Variants in SCN7A observed in about 807,000 individuals in gnomAD.
SCN7A encodes the protein sodium channel protein type 7 subunit alpha.
In SCN7A, 138 loss-of-function variants were observed where a neutral mutation model predicts 155.2. The observed-to-expected ratio is 0.89, with a 90% CI of 0.77 to 1.02. The LOEUF (loss-of-function observed/expected upper bound fraction) is 1.02, where lower values mean the gene tolerates loss of function less well. Among genes scored for constraint, SCN7A ranks in the 50% least tolerant of loss-of-function variants. SCN7A has a pLI of 0.00. For synonymous variants in SCN7A, 693 were observed against 649.0 expected, an observed-to-expected ratio of 1.07 and a Z score of -1.03; for missense variants, 2,058 against 1,986.6, an observed-to-expected ratio of 1.04 and a Z score of -0.68.
chr2:166,443,875 C>T (rs1225882572), intron 13 of SCN7A, among the ~76,000 whole-genome samples, 199 bp from the exon 14 acceptor site: 2 of 152,160 alleles, frequency 1.3e-5, no homozygotes, highest in African/African-American at 4.8e-5. Flanking sequence ...TAATGTCAAA[C>T]ACTATATACA....
Position 166,416,848 on chromosome 2 carries a change from T to A in SCN7A, c.3273A>T (p.Thr1091=). Residue 1091 remains threonine, a synonymous_variant, in exon 21 of 26, where the codon ACA becomes ACT. Transcript: ENST00000643258. ...AGRFYECIDP[T]SGERFPSSEV... is the part of the protein sequence containing the mutation. ...CAGATGAAGGAAACCTTTCTCCACT[T>A]GTTGGGTCAATGCATTCATAGAATC... 2 of 1,613,696 alleles carry A rather than the reference T, an allele frequency of 1.2e-6. No homozygotes were observed. Among genetic ancestry groups the A allele is most frequent in the Non-Finnish European group, 8.5e-7 (1 of 1,179,766 alleles).
chr2:166,442,733 A>C (rs185203627), intron 14 of SCN7A, among the ~76,000 whole-genome samples: 42 of 152,228 alleles, frequency 2.8e-4, no homozygotes, highest in Admixed American at 9.2e-4. Flanking sequence ...CTAGCCTTTA[A>C]AATATTTTGA....
In SCN7A at chr2:166,416,688, A is replaced by C. The variant is rs767696696; in HGVS notation, c.3414+19T>G. 2 of 1,567,624 alleles carry C rather than the reference A, an allele frequency of 1.3e-6. No individual in the cohort carries two copies. The highest frequency in any genetic ancestry group is 2.7e-5 in the African/African-American group (2 of 73,076). On this transcript the variant is annotated intron_variant, in intron 21 of 25. Transcript: ENST00000643258. ...GGATGAATATATAATTAATAAGGAA[A>C]AGTCAAAAGTGTACTTACTACTTGA...
At chr2:166,470,513 C>A in intron 7 of SCN7A, 102 bp downstream of exon 7, 2 of 953,970 alleles carry the variant, frequency 2.1e-6, no homozygotes, top group Non-Finnish European at 3.0e-6. Flanking sequence ...AAAGTGGAAA[C>A]ATTATTCAAT....
chr2:166,481,475 C>T (rs1400806339), intron 2 of SCN7A, among the ~76,000 whole-genome samples: 3 of 152,102 alleles, frequency 2.0e-5, no homozygotes, highest in Admixed American at 6.5e-5. Flanking sequence ...AAATACCCAT[C>T]GGCACAAGTA....
chr2:166,404,266 G>T lies in SCN7A; in HGVS notation c.*1314C>A, dbSNP rs745854223. 3.7e-4 allele frequency: 56 copies of T among 151,874 alleles called. No homozygotes were observed. Among genetic ancestry groups the T allele is most frequent in the Non-Finnish European group, 5.2e-4 (35 of 67,918 alleles). 9.4% of individuals were successfully genotyped at this position (151,874 alleles called of 1,614,324 possible). Reference sequence around the variant, plus strand: ...TACATAGAAGTAAATGACTATATTTGTATGAATAAGTCTAAGGACAACTAT... The same window carrying T: ...TACATAGAAGTAAATGACTATATTTTTATGAATAAGTCTAAGGACAACTAT... On this transcript the variant is annotated 3_prime_UTR_variant, in exon 26 of 26. Transcript: ENST00000643258.
At chr2:166,451,596 A>G (rs1702178435) in intron 11 of SCN7A, among the ~76,000 whole-genome samples, 1 of 152,200 alleles carries the variant, frequency 6.6e-6, no homozygotes, top group South Asian at 2.1e-4. Context: ...CAAGTTTGTC[A>G]TGGACTCAGG....
chr2:166,427,206 C>T (rs1484094004), intron 18 of SCN7A, among the ~76,000 whole-genome samples: 1 of 152,028 alleles, frequency 6.6e-6, no homozygotes, highest in Non-Finnish European at 1.5e-5. Flanking sequence ...TCAGCTATTA[C>T]AGACCTTCTT....
At chr2:166,447,590 G>T in intron 12 of SCN7A, 22 bp downstream of exon 12, 2 of 1,458,142 alleles carry the variant, frequency 1.4e-6, no homozygotes, top group Non-Finnish European at 9.6e-7. Context: ...AATAGTGAGT[G>T]TCTACTTATT....
At position 166,412,626 on chromosome 2, in the gene SCN7A, A is replaced by G. The variant is rs1701226360; in HGVS notation, c.3510T>C (p.Tyr1170=). 1.3e-6 allele frequency: 2 copies of G among 1,523,260 alleles called. No homozygotes were observed. The highest frequency in any genetic ancestry group is 1.8e-6 in the Non-Finnish European group (2 of 1,137,584). 94.4% of individuals were successfully genotyped at this position (1,523,260 alleles called of 1,614,324 possible). The part of the protein sequence containing the change: ...QPHFEVNIYM[Y]CYFINFIIFG... ...ATATAATAAAGTTGATAAAGTAACA[A>G]TACATGTAGATGTTGACTTCAAAAT... Residue 1170 remains tyrosine, a synonymous_variant, in exon 23 of 26, where the codon TAT becomes TAC. Transcript: ENST00000643258.
At position 166,465,550 on chromosome 2, in the gene SCN7A, A is replaced by G. The variant is rs928131335; in HGVS notation, c.872-19T>C. On this transcript the variant is annotated intron_variant, in intron 8 of 25. Coordinates refer to ENST00000643258, the MANE Select transcript of SCN7A (RefSeq NM_002976.4). ...TCTGTTTCTGAAAAACAGGCAAGAA[A>G]TGATATTCTATATGTAATTATGAGT... The G allele has an allele frequency of 8.4e-6, 13 of 1,540,216 alleles. No individual in the cohort carries two copies. Among genetic ancestry groups the G allele is most frequent in the South Asian group, 1.2e-5 (1 of 85,744 alleles).
chr2:166,483,847 A>G (rs941994308), intron 2 of SCN7A, among the ~76,000 whole-genome samples: 1 of 151,930 alleles, frequency 6.6e-6, no homozygotes, highest in Non-Finnish European at 1.5e-5. Context: ...CAAATGTCAA[A>G]CCAATTTAGG....
At chr2:166,492,613 T>C (rs183924925) in intron 1 of SCN7A, among the ~76,000 whole-genome samples, 2 of 152,320 alleles carry the variant, frequency 1.3e-5, no homozygotes, top group Non-Finnish European at 2.9e-5. Flanking sequence ...GATTAGAATA[T>C]GCTTTAAACT....
chr2:166,485,971 G>C (rs929662044), intron 2 of SCN7A, among the ~76,000 whole-genome samples: 1 of 152,174 alleles, frequency 6.6e-6, no homozygotes, highest in Non-Finnish European at 1.5e-5. Flanking sequence ...GTGAAGAAAA[G>C]TAGCCTGTGC....
At chr2:166,480,709 T>C (rs1702906377) in intron 2 of SCN7A, among the ~76,000 whole-genome samples, 2 of 152,226 alleles carry the variant, frequency 1.3e-5, no homozygotes, top group South Asian at 4.1e-4. Context: ...TCTTGGTATT[T>C]TGAATCTCCT....
chr2:166,460,919 A>C (rs886277418), intron 10 of SCN7A, among the ~76,000 whole-genome samples: 9 of 152,092 alleles, frequency 5.9e-5, no homozygotes, highest in Admixed American at 1.3e-4. Flanking sequence ...TATTTTAGAA[A>C]TAAGAACCTC....
intron 5 of SCN7A, among the ~76,000 whole-genome samples, chr2:166,473,428 A>T (rs1198107402): frequency 6.6e-6 from 1 of 151,622 alleles, no homozygotes; most frequent in Non-Finnish European, 1.5e-5. Flanking sequence ...AAAACTCAAA[A>T]GGTAACTTCA....
intron 15 of SCN7A, among the ~76,000 whole-genome samples, chr2:166,433,093 G>A (rs893339913): frequency 6.6e-6 from 1 of 152,138 alleles, no homozygotes; most frequent in East Asian, 1.9e-4. Context: ...TTCCATTATT[G>A]GAAGGCTAAG....
At position 166,405,525 on chromosome 2, in the gene SCN7A, G is replaced by A. The variant is rs543269764; in HGVS notation, c.*55C>T. The stretch of plus-strand genomic sequence containing the variant: ...TACTTTTCTTTTATTCCTGGCTTAG[G>A]CTTTCAACATTTTTCAGATATGTGA... On this transcript the variant is annotated 3_prime_UTR_variant, in exon 26 of 26. Coordinates refer to ENST00000643258, the MANE Select transcript of SCN7A (RefSeq NM_002976.4). 69 of 1,286,352 alleles carry A rather than the reference G, an allele frequency of 5.4e-5. No homozygotes were observed. The African/African-American group carries it at 9.7e-4, about 18-fold the overall frequency. 79.7% of individuals were successfully genotyped at this position (1,286,352 alleles called of 1,614,324 possible).
Sources: gnomAD v4.1 joint callset for allele counts (sites outside exome capture counted in the v4.1 genomes callset) on GRCh38, gnomAD v4.1.1 for gene constraint, MANE v1.5 for transcripts, NCBI Gene and HGNC (gene_info 2026-07-23, HGNC 2026-07-21) for gene names.